PHC3: variants seen among roughly 807,000 people sequenced by gnomAD.
PHC3 encodes polyhomeotic-like protein 3.
In PHC3, 13 loss-of-function variants were observed where a neutral mutation model predicts 107.4. The ratio of observed to expected loss-of-function variants is 0.12; its 90% CI spans 0.08 to 0.19. The LOEUF (loss-of-function observed/expected upper bound fraction) is 0.19. PHC3 is among the 10% of genes least tolerant of loss of function. The probability of loss-of-function intolerance (pLI) is 1.00; values close to 1 mark genes in which losing one functional copy is unlikely to be tolerated. For synonymous variants in PHC3, 456 were observed against 427.4 expected (o/e 1.07, Z -0.83); for missense variants, 992 against 1,210.9 (o/e 0.82, Z 2.68).
At chr3:170,160,854 C>T (rs538088050) in intron 4 of PHC3, among the ~76,000 whole-genome samples, 1 of 152,236 alleles carries the variant, frequency 6.6e-6, no homozygotes, top group African/African-American at 2.4e-5. Context: ...TTCTAGTGAG[C>T]CAAGATCGTG....
At position 170,093,455 on chromosome 3, in the gene PHC3, C is replaced by T. The variant is rs1460309027; in HGVS notation, c.*3775G>A. On this transcript the variant is annotated 3_prime_UTR_variant, in exon 15 of 15. Coordinates refer to ENST00000495893, the MANE Select transcript of PHC3 (RefSeq NM_024947.4). ...TCTGGCTGAAAATACATCTTTAAAA[C>T]ATTTTAACAGTGTGTCCAGTCAGTT... The T allele has an allele frequency of 6.6e-6, 1 of 152,206 alleles. No homozygotes were observed. Among genetic ancestry groups the T allele is most frequent in the Non-Finnish European group, 1.5e-5 (1 of 68,048 alleles). The allele number at this position is 152,206 out of a possible 1,614,324, so 9.4% of individuals were successfully genotyped here.
In PHC3 at chr3:170,122,281, C is replaced by T. The variant is rs570559107; in HGVS notation, c.1942+310G>A. 7.2e-5 allele frequency among the ~76,000 whole-genome samples: 11 copies of T among 152,110 alleles called. No homozygotes were observed. The South Asian group carries it at 1.7e-3, about 23-fold the overall frequency. ...ATCTGTATTTTGTTACAATTAACTA[C>T]CATAACAAATTCGTTTAATATTATC... On this transcript the variant is annotated intron_variant, in intron 9 of 14. Coordinates refer to ENST00000495893, the MANE Select transcript of PHC3 (RefSeq NM_024947.4).
intron 4 of PHC3, among the ~76,000 whole-genome samples, chr3:170,166,308 T>C (rs1728737097): frequency 6.6e-6 from 1 of 152,076 alleles, no homozygotes. Context: ...CCTCCCAAAA[T>C]GCTGGGATTA....
intron 4 of PHC3, among the ~76,000 whole-genome samples, chr3:170,163,476 GT>G (rs1307564450): frequency 1.3e-5 from 2 of 148,798 alleles, no homozygotes; most frequent in African/African-American, 5.1e-5. Context: ...GTGTGTGTGT[GT>G]GTGTGTGTGT....
At chr3:170,119,008 A>C (rs1207526213) in intron 9 of PHC3, among the ~76,000 whole-genome samples, 1 of 150,788 alleles carries the variant, frequency 6.6e-6, no homozygotes, top group Non-Finnish European at 1.5e-5. Context: ...GTTTAAAGTC[A>C]CACAAAGTCA....
Position 170,181,686 on chromosome 3 carries a change from C to G in PHC3, c.14+16G>C, listed in dbSNP as rs781118454. 2 of 1,613,476 alleles carry G rather than the reference C, an allele frequency of 1.2e-6. No homozygotes were observed. Among genetic ancestry groups the G allele is most frequent in the East Asian group, 4.5e-5 (2 of 44,848 alleles). On this transcript the variant is annotated intron_variant, in intron 1 of 14. Coordinates refer to ENST00000495893, the MANE Select transcript of PHC3 (RefSeq NM_024947.4). ...CCCCCCCTAGTTACGACATCAGTCACCATCTAGTCACTCACTCCGCTTCCG... is the reference window on the plus strand; with the variant it reads ...CCCCCCCTAGTTACGACATCAGTCAGCATCTAGTCACTCACTCCGCTTCCG...
intron 14 of PHC3, 56 bp downstream of exon 14, chr3:170,102,423 T>C (rs973344987): frequency 8.3e-6 from 13 of 1,569,844 alleles, no homozygotes; most frequent in Non-Finnish European, 1.1e-5. Context: ...GTATCTAACA[T>C]TGCTGTGTGT....
At chr3:170,117,975 T>C (rs1719386295) in intron 9 of PHC3, among the ~76,000 whole-genome samples, 1 of 152,126 alleles carries the variant, frequency 6.6e-6, no homozygotes, top group Non-Finnish European at 1.5e-5. Flanking sequence ...ACTGTGCCAC[T>C]GCACTCCAGC....
At chr3:170,142,744 T>C (rs145157114) in intron 6 of PHC3, among the ~76,000 whole-genome samples, 1,858 of 152,294 alleles carry the variant, frequency 0.012, 39 homozygotes, top group African/African-American at 0.042. Context: ...TTTTACTGTA[T>C]GCACCTTGTA....
chr3:170,112,724 A>T (rs1399866426), intron 11 of PHC3, among the ~76,000 whole-genome samples: 1 of 152,072 alleles, frequency 6.6e-6, no homozygotes, highest in Non-Finnish European at 1.5e-5. Context: ...GGGTTTCACC[A>T]TGTTGGTCAG....
chr3:170,178,474 A>G (rs1730880359), intron 2 of PHC3, among the ~76,000 whole-genome samples: 1 of 152,216 alleles, frequency 6.6e-6, no homozygotes, highest in Admixed American at 6.5e-5. Context: ...CAAATTTGGT[A>G]TCTTGCTCTC....
chr3:170,133,662 G>T (rs1722609929), intron 7 of PHC3, among the ~76,000 whole-genome samples: 1 of 152,180 alleles, frequency 6.6e-6, no homozygotes, highest in African/African-American at 2.4e-5. Context: ...TGGAGTATAT[G>T]TAAGATCTGA....
intron 7 of PHC3, 142 bp from the exon 8 acceptor site, chr3:170,129,694 A>G: frequency 2.7e-6 from 2 of 739,838 alleles, no homozygotes; most frequent in Non-Finnish European, 4.0e-6. Context: ...GAGTAATTTG[A>G]AAAAAAAAAA....
chr3:170,099,323 C>T (rs901553464), intron 14 of PHC3, among the ~76,000 whole-genome samples: 1 of 152,060 alleles, frequency 6.6e-6, no homozygotes, highest in African/African-American at 2.4e-5. Flanking sequence ...CATTTTAGAT[C>T]ACAACTTTCT....
At chr3:170,122,399 T>G (rs1055237961) in intron 9 of PHC3, among the ~76,000 whole-genome samples, 192 bp downstream of exon 9, 1 of 152,070 alleles carries the variant, frequency 6.6e-6, no homozygotes, top group Non-Finnish European at 1.5e-5. Context: ...AGGCCAGTAG[T>G]TCAAGACCAG....
intron 4 of PHC3, among the ~76,000 whole-genome samples, chr3:170,163,938 G>A (rs1051614803): frequency 3.3e-5 from 5 of 150,396 alleles, no homozygotes; most frequent in African/African-American, 4.9e-5. Context: ...AGTGGCTCAC[G>A]CCTATAATCT....
intron 9 of PHC3, among the ~76,000 whole-genome samples, chr3:170,120,826 G>C (rs1720137658): frequency 6.6e-6 from 1 of 152,116 alleles, no homozygotes; most frequent in African/African-American, 2.4e-5. Flanking sequence ...ATAAGAGTTT[G>C]TTTCCATGCC....
chr3:170,098,831 C>T (rs140932226), intron 14 of PHC3, among the ~76,000 whole-genome samples: 10 of 152,164 alleles, frequency 6.6e-5, no homozygotes, highest in Admixed American at 2.6e-4. Context: ...ATACCCTCTA[C>T]GAAATTATTA....
At position 170,088,852 on chromosome 3, in the gene PHC3, T is replaced by C. The variant is rs1050916308; in HGVS notation, c.*8378A>G. The C allele has an allele frequency of 6.6e-6, 1 of 152,356 alleles. No individual in the cohort carries two copies. 9.4% of individuals were successfully genotyped at this position (152,356 alleles called of 1,614,324 possible). On this transcript the variant is annotated 3_prime_UTR_variant, in exon 15 of 15. Coordinates refer to ENST00000495893, the MANE Select transcript of PHC3 (RefSeq NM_024947.4). ...ATAGATTCTAACCCAACAGTTTATA[T>C]GGATATTTTCCTGCTTTAAAAAGCT...
Sources: allele counts gnomAD v4.1 joint callset (sites outside exome capture counted in the v4.1 genomes callset), GRCh38; gene constraint gnomAD v4.1.1; transcripts MANE v1.5; gene names NCBI Gene and HGNC (gene_info 2026-07-23, HGNC 2026-07-21).